ROBO1: variants seen among roughly 807,000 people sequenced by gnomAD.
The protein encoded by ROBO1 is roundabout homolog 1.
In ROBO1, 149 loss-of-function variants were observed where a neutral mutation model predicts 195.9. The ratio of observed to expected loss-of-function variants is 0.76; its 90% CI spans 0.67 to 0.87. ROBO1 has a LOEUF of 0.87. ROBO1 is among the 40% of genes least tolerant of loss of function. The pLI is 0.00. For synonymous variants in ROBO1, 816 were observed against 733.2 expected (o/e 1.11, Z -1.82); for missense variants, 1,933 against 2,068.3 (o/e 0.93, Z 1.27).
At chr3:79,381,371 AAAAAAAGAAAAGAAAAG>A (rs1443439888) in intron 2 of ROBO1, among the ~76,000 whole-genome samples, 36 of 142,142 alleles carry the variant, frequency 2.5e-4, no homozygotes, top group East Asian at 1.7e-3. Flanking sequence ...AAAAAAAAAA[AAAAAAAGAAAAGAAAAG>A]AAAAGAAAAG....
intron 2 of ROBO1, among the ~76,000 whole-genome samples, chr3:79,336,157 T>C (rs2034655893): frequency 6.6e-6 from 1 of 152,144 alleles, no homozygotes; most frequent in South Asian, 2.1e-4. Flanking sequence ...GAAAAACCCA[T>C]TTTCTGGGGA....
In ROBO1 at chr3:79,392,437, C is replaced by T. The variant is rs879215081; in HGVS notation, c.88+197387G>A. Reference sequence around the variant, plus strand: ...TATTTCTGTAATAAAATTCTCTTGACGGCACCCATGGAGAAAAATGTCAAG... The same window carrying T: ...TATTTCTGTAATAAAATTCTCTTGATGGCACCCATGGAGAAAAATGTCAAG... On this transcript the variant is annotated intron_variant, in intron 2 of 30. Transcript: ENST00000464233. 4.6e-5 allele frequency among the ~76,000 whole-genome samples: 7 copies of T among 152,194 alleles called. No individual in the cohort carries two copies. In the South Asian group the frequency reaches 8.3e-4, roughly 18 times the overall value.
chr3:79,228,094 C>G (rs2082258938), intron 2 of ROBO1, among the ~76,000 whole-genome samples: 1 of 151,974 alleles, frequency 6.6e-6, no homozygotes, highest in Non-Finnish European at 1.5e-5. Context: ...TAACACAAGC[C>G]TCTCAACTAA....
intron 2 of ROBO1, among the ~76,000 whole-genome samples, chr3:79,272,957 G>A (rs1488860259): frequency 6.6e-6 from 1 of 152,098 alleles, no homozygotes; most frequent in African/African-American, 2.4e-5. Flanking sequence ...GGAATGACAT[G>A]TTTAAAGTGC....
chr3:79,549,295 A>G (rs1267411749), intron 2 of ROBO1, among the ~76,000 whole-genome samples: 1 of 152,216 alleles, frequency 6.6e-6, no homozygotes, highest in Non-Finnish European at 1.5e-5. Flanking sequence ...AATGTGATAT[A>G]CGACATAAAA....
intron 2 of ROBO1, among the ~76,000 whole-genome samples, chr3:79,570,311 A>T (rs1943238065): frequency 6.6e-6 from 1 of 151,966 alleles, no homozygotes; most frequent in African/African-American, 2.4e-5. Context: ...CTGTTTTCTA[A>T]TTGCAGTTAT....
In ROBO1 at chr3:78,714,536, A is replaced by G; in HGVS notation, c.918-12T>C. 6.2e-6 allele frequency: 10 copies of G among 1,606,472 alleles called. No individual in the cohort carries two copies. The highest frequency in any genetic ancestry group is 8.5e-6 in the Non-Finnish European group (10 of 1,176,838). ...CTCGGATTTCATATCTAATGACATA[A>G]CAAAAGAAAGCACAGTTAAGTGACT... On this transcript the variant is annotated splice_polypyrimidine_tract_variant and intron_variant, in intron 7 of 30. Transcript: ENST00000464233.
At position 78,886,853 on chromosome 3, in the gene ROBO1, G is replaced by A. The variant is rs140519996; in HGVS notation, c.499+51748C>T. 4.1e-3 allele frequency among the ~76,000 whole-genome samples: 625 copies of A among 152,018 alleles called. 14 individuals carry two copies. The highest frequency in any genetic ancestry group is 0.013 in the African/African-American group (531 of 41,458). On this transcript the variant is annotated intron_variant, in intron 4 of 30. Transcript: ENST00000464233. ...AGAATTCCAGGTAGTATGACTTTGG[G>A]AGAGACACGAATGGATAATGATTAA... is the stretch of plus-strand genomic sequence containing the variant.
At chr3:79,619,051 G>A (rs13100316) in intron 1 of ROBO1, among the ~76,000 whole-genome samples, 21 of 38,586 alleles carry the variant, frequency 5.4e-4, no homozygotes, top group Non-Finnish European at 1.3e-3. Context: ...TGATCACTGC[G>A]AGGACACCTG....
rs779609951 is a variant in ROBO1, at chr3:78,717,419, A to G, written c.779-6T>C. 1 of 1,613,266 alleles carries G rather than the reference A, an allele frequency of 6.2e-7. No homozygotes were observed. The highest frequency in any genetic ancestry group is 2.2e-5 in the East Asian group (1 of 44,870). On this transcript the variant is annotated splice_polypyrimidine_tract_variant and splice_region_variant and intron_variant, in intron 6 of 30. Transcript: ENST00000464233. Reference sequence around the variant, plus strand: ...CTTCACAAATGATGGTCTCTCTAAAATTAAAAAGAGTCATCTTAAGGTAAA... The same window carrying G: ...CTTCACAAATGATGGTCTCTCTAAAGTTAAAAAGAGTCATCTTAAGGTAAA...
At chr3:78,882,619 A>G (rs761893669) in intron 4 of ROBO1, among the ~76,000 whole-genome samples, 5 of 151,946 alleles carry the variant, frequency 3.3e-5, no homozygotes, top group Non-Finnish European at 7.4e-5. Flanking sequence ...ACATTTTCCA[A>G]TTTCTGCTAC....
intron 3 of ROBO1, among the ~76,000 whole-genome samples, chr3:78,980,146 A>G (rs746101870): frequency 3.3e-5 from 5 of 152,188 alleles, no homozygotes; most frequent in Admixed American, 6.6e-5. Flanking sequence ...TTATATTTAA[A>G]AATCAATACA....
intron 4 of ROBO1, among the ~76,000 whole-genome samples, chr3:78,769,270 T>C (rs1487021101): frequency 5.3e-5 from 8 of 152,192 alleles, no homozygotes; most frequent in Non-Finnish European, 1.0e-4. Flanking sequence ...ATGTTTAGGA[T>C]TGTGATATTT....
At chr3:79,569,951 A>T (rs578209740) in intron 2 of ROBO1, among the ~76,000 whole-genome samples, 2 of 151,814 alleles carry the variant, frequency 1.3e-5, no homozygotes, top group East Asian at 3.9e-4. Context: ...ATACAAAAAA[A>T]TTGGCCTGGC....
intron 2 of ROBO1, among the ~76,000 whole-genome samples, chr3:79,339,951 T>C (rs1204115717): frequency 1.3e-5 from 2 of 152,204 alleles, no homozygotes; most frequent in Admixed American, 1.3e-4. Context: ...TCCACTCCAA[T>C]GACTTTGATC....
chr3:78,620,330 G>A (rs550593715), intron 26 of ROBO1, among the ~76,000 whole-genome samples: 41 of 151,910 alleles, frequency 2.7e-4, no homozygotes, highest in Non-Finnish European at 5.0e-4. Context: ...TGGCCAACAC[G>A]GCGAAACCCC....
chr3:78,865,346 C>CT (rs1338248734), intron 4 of ROBO1, among the ~76,000 whole-genome samples: 1 of 152,072 alleles, frequency 6.6e-6, no homozygotes, highest in Non-Finnish European at 1.5e-5. Flanking sequence ...AGTGAGTATA[C>CT]TTTAATATCA....
intron 2 of ROBO1, among the ~76,000 whole-genome samples, chr3:79,181,396 C>T (rs187791664): frequency 5.3e-5 from 8 of 152,278 alleles, no homozygotes; most frequent in African/African-American, 1.9e-4. Context: ...AATATGCACC[C>T]TCAGTGCATA....
chr3:79,334,309 AAAAT>A (rs1266979171), intron 2 of ROBO1, among the ~76,000 whole-genome samples: 2 of 123,034 alleles, frequency 1.6e-5, no homozygotes, highest in African/African-American at 5.9e-5. Flanking sequence ...CTAAAAAAAA[AAAAT>A]ATATATATAT....
Sources: allele counts gnomAD v4.1 joint callset (sites outside exome capture counted in the v4.1 genomes callset), GRCh38; gene constraint gnomAD v4.1.1; transcripts MANE v1.5; gene names NCBI Gene and HGNC (gene_info 2026-07-23, HGNC 2026-07-21).